EML4: variants seen among roughly 807,000 people sequenced by gnomAD.
EML4 encodes the protein EMAP like 4, also known as echinoderm microtubule-associated protein-like 4.
EML4 carries 72 observed loss-of-function variants against 129.0 expected under a neutral mutation model. The observed-to-expected ratio is 0.56, with a 90% CI of 0.46 to 0.68. EML4 has a LOEUF of 0.68. EML4 is among the 30% of genes least tolerant of loss of function. EML4 has a pLI of 0.00. For synonymous variants in EML4, 532 were observed against 405.0 expected, an observed-to-expected ratio of 1.31 and a Z score of -3.77; for missense variants, 1,363 against 1,190.6, an observed-to-expected ratio of 1.14 and a Z score of -2.13.
chr2:42,245,173 C>T (rs1439520005), intron 1 of EML4, among the ~76,000 whole-genome samples: 1 of 133,656 alleles, frequency 7.5e-6, no homozygotes, highest in Admixed American at 8.9e-5. Context: ...CAGCTCACTG[C>T]ACCCTCCACC....
At chr2:42,295,014 C>A in intron 11 of EML4, 111 bp from the exon 12 acceptor site, 1 of 943,386 alleles carries the variant, frequency 1.1e-6, no homozygotes, top group Non-Finnish European at 1.5e-6. Context: ...GAAGAAGAGG[C>A]ATTTTCTCAA....
chr2:42,245,539 T>G lies in EML4; in HGVS notation c.60T>G (p.Val20=), dbSNP rs375620565. The G allele has an allele frequency of 1.9e-5, 30 of 1,613,706 alleles. No individual in the cohort carries two copies. In the African/African-American group the frequency reaches 3.9e-4, roughly 21 times the overall value. ...DSISAASTSD[V]QDRLSALESR... ...TTTCTGCTGCAAGTACTTCTGATGTTCAAGATCGCCTGTCAGCTCTTGAGT... is the reference window on the plus strand; with the variant it reads ...TTTCTGCTGCAAGTACTTCTGATGTGCAAGATCGCCTGTCAGCTCTTGAGT... The change falls in exon 2 of 23, where the codon GTT becomes GTG. Residue 20 remains valine (V), a synonymous_variant. Transcript: ENST00000318522.
chr2:42,303,291 A>C (rs374566698), intron 15 of EML4, 24 bp from the exon 16 acceptor site: 1 of 1,613,970 alleles, frequency 6.2e-7, no homozygotes, highest in African/African-American at 1.3e-5. Context: ...GGTTCTTATA[A>C]CAATGAGTGT....
intron 1 of EML4, among the ~76,000 whole-genome samples, chr2:42,206,614 G>T (rs1377095411): frequency 6.6e-6 from 1 of 152,166 alleles, no homozygotes; most frequent in Non-Finnish European, 1.5e-5. Context: ...TTATGACATA[G>T]ACAGTTTTGA....
At chr2:42,251,554 A>G (rs1276067126) in intron 2 of EML4, among the ~76,000 whole-genome samples, 1 of 152,234 alleles carries the variant, frequency 6.6e-6, no homozygotes, top group East Asian at 1.9e-4. Context: ...AAAATTCCAA[A>G]TGGAGAAGAT....
chr2:42,251,653 G>A (rs1675775397), intron 2 of EML4, among the ~76,000 whole-genome samples: 1 of 152,184 alleles, frequency 6.6e-6, no homozygotes, highest in Non-Finnish European at 1.5e-5. Flanking sequence ...CGAAGAGCCT[G>A]AAAATGAGGA....
In EML4 at chr2:42,263,219, G is replaced by A; in HGVS notation, c.554G>A (p.Trp185Ter). 1 of 1,612,716 alleles carries A rather than the reference G, an allele frequency of 6.2e-7. No homozygotes were observed. The highest frequency in any genetic ancestry group is 8.5e-7 in the Non-Finnish European group (1 of 1,179,456). ...PSPAEKSHNS[W>*]ENSDDSRNKL... ...CCAGCTGAAAAGTCACATAATTCTTGGGAAAATTCAGATGATAGCCGTAAT... is the reference window on the plus strand; with the variant it reads ...CCAGCTGAAAAGTCACATAATTCTTAGGAAAATTCAGATGATAGCCGTAAT... The change falls in exon 5 of 23, where the codon TGG (tryptophan) becomes TAG (stop). Residue 185 changes from tryptophan (W) to a stop codon, truncating the protein, a stop_gained. Transcript: ENST00000318522. LOFTEE classifies it high-confidence loss of function.
intron 13 of EML4, among the ~76,000 whole-genome samples, chr2:42,299,487 G>A (rs1480865601): frequency 6.6e-6 from 1 of 152,038 alleles, no homozygotes; most frequent in Admixed American, 6.6e-5. Flanking sequence ...TCTGACCTAA[G>A]GACATTTTCA....
chr2:42,316,175 G>C (rs1669235992), intron 18 of EML4, 125 bp downstream of exon 18: 2 of 536,528 alleles, frequency 3.7e-6, no homozygotes, highest in African/African-American at 1.9e-5. Flanking sequence ...TATTAAATCT[G>C]TTTCCCCCAA....
chr2:42,186,948 TA>T (rs1274514632), intron 1 of EML4, among the ~76,000 whole-genome samples: 17 of 151,994 alleles, frequency 1.1e-4, no homozygotes, highest in African/African-American at 4.1e-4. Flanking sequence ...TGCCTCTTTG[TA>T]GTCAGCCCCT....
chr2:42,227,516 A>G (rs1674047832), intron 1 of EML4, among the ~76,000 whole-genome samples: 1 of 151,778 alleles, frequency 6.6e-6, no homozygotes, highest in South Asian at 2.1e-4. Context: ...CCACAAAGAA[A>G]AACTTTAAAT....
intron 1 of EML4, among the ~76,000 whole-genome samples, chr2:42,205,684 AG>A (rs1351988460): frequency 2.0e-5 from 3 of 152,226 alleles, no homozygotes; most frequent in African/African-American, 7.2e-5. Context: ...GAATTTAGAC[AG>A]AAATGGATAA....
chr2:42,172,395 A>G (rs1355951752), intron 1 of EML4, among the ~76,000 whole-genome samples: 1 of 152,216 alleles, frequency 6.6e-6, no homozygotes, highest in Admixed American at 6.5e-5. Context: ...GGCAATTAAG[A>G]CTAGGTAGTG....
intron 6 of EML4, among the ~76,000 whole-genome samples, chr2:42,279,184 C>T (rs146487136): frequency 7.9e-5 from 12 of 152,240 alleles, no homozygotes; most frequent in African/African-American, 2.9e-4. Context: ...GTGCATGCCA[C>T]ATTTTCCTTA....
intron 6 of EML4, among the ~76,000 whole-genome samples, chr2:42,273,069 A>G (rs1442244104): frequency 2.0e-5 from 3 of 152,154 alleles, no homozygotes; most frequent in African/African-American, 7.2e-5. Flanking sequence ...AAATATTTTG[A>G]CATTTGAAGT....
At chr2:42,279,556 C>G (rs920267462) in intron 6 of EML4, among the ~76,000 whole-genome samples, 17 of 151,896 alleles carry the variant, frequency 1.1e-4, no homozygotes, top group Non-Finnish European at 2.5e-4. Context: ...CTCCCAGGTT[C>G]ACGCCATTCT....
intron 1 of EML4, among the ~76,000 whole-genome samples, chr2:42,185,914 TACAG>T (rs1434136072): frequency 2.0e-5 from 3 of 152,142 alleles, no homozygotes; most frequent in Non-Finnish European, 4.4e-5. Context: ...GGATAGGAGA[TACAG>T]ACAGATTTAA....
At position 42,325,532 on chromosome 2, in the gene EML4, G is replaced by A. The variant is rs757950082; in HGVS notation, c.2220G>A (p.Ser740=). 3.0e-5 allele frequency: 45 copies of A among 1,523,582 alleles called. No homozygotes were observed. Among genetic ancestry groups the A allele is most frequent in the Middle Eastern group, 2.3e-4 (1 of 4,268 alleles). 94.4% of individuals were successfully genotyped at this position (1,523,582 alleles called of 1,614,324 possible). A position where few individuals can be genotyped will look rare whatever the true frequency, so the allele number is the denominator to read the frequency against. The change falls in exon 20 of 23, where the codon TCG becomes TCA. Residue 740 remains serine (S), a synonymous_variant. Transcript: ENST00000318522. Reference sequence around the variant, plus strand: ...ACAACAAGTATATAATGTCTAACTCGGGAGACTATGAAATATTGTACTGTA... The same window carrying A: ...ACAACAAGTATATAATGTCTAACTCAGGAGACTATGAAATATTGTACTGTA... ...SPDNKYIMSN[S]GDYEILYWDI...
chr2:42,182,049 C>T (rs1289983653), intron 1 of EML4, among the ~76,000 whole-genome samples: 1 of 151,026 alleles, frequency 6.6e-6, no homozygotes, highest in Admixed American at 6.6e-5. Flanking sequence ...AGAAACCTGG[C>T]TTCCATTATG....
Sources: allele counts gnomAD v4.1 joint callset (sites outside exome capture counted in the v4.1 genomes callset), GRCh38; gene constraint gnomAD v4.1.1; transcripts MANE v1.5; gene names NCBI Gene and HGNC (gene_info 2026-07-23, HGNC 2026-07-21).